The following GNS variants were observed in gnomAD, a reference collection of about 807,000 sequenced individuals.
GNS encodes glucosamine (N-acetyl)-6-sulfatase, also known as N-acetylglucosamine-6-sulfatase.
Under a neutral mutation model 69.7 loss-of-function variants are expected in GNS, and 40 were observed. That is an observed-to-expected ratio of 0.57 (90% CI 0.45 to 0.75). GNS has a LOEUF of 0.75. GNS is among the 30% of genes least tolerant of loss of function. The pLI is 0.00. For missense variants in GNS, 565 were observed against 685.5 expected, an observed-to-expected ratio of 0.82 and a Z score of 1.96; for synonymous variants, 243 against 251.6, an observed-to-expected ratio of 0.97 and a Z score of 0.32.
intron 10 of GNS, among the ~76,000 whole-genome samples, chr12:64,726,496 C>T (rs1041210249): frequency 6.6e-5 from 10 of 152,126 alleles, no homozygotes. Context: ...TATAAATACA[C>T]AAAGGACACT....
intron 9 of GNS, among the ~76,000 whole-genome samples, chr12:64,734,839 G>A (rs377678732): frequency 1.9e-4 from 29 of 152,222 alleles, no homozygotes; most frequent in East Asian, 1.4e-3. Flanking sequence ...ATGGTGGCTC[G>A]CGCCTGTAAT....
At chr12:64,735,035 A>C (rs1310248000) in intron 9 of GNS, among the ~76,000 whole-genome samples, 3 of 152,148 alleles carry the variant, frequency 2.0e-5, no homozygotes, top group African/African-American at 7.2e-5. Context: ...GCGTGAACCC[A>C]GGAGGCGGAG....
At chr12:64,722,126 AC>A (rs1171593267) in intron 11 of GNS, among the ~76,000 whole-genome samples, 6 of 151,396 alleles carry the variant, frequency 4.0e-5, no homozygotes, top group African/African-American at 1.5e-4. Flanking sequence ...CCGGGTTCAC[AC>A]GATTATCCTT....
At position 64,720,084 on chromosome 12, in the gene GNS, C is replaced by A. The variant is rs1000381159; in HGVS notation, c.1518G>T (p.Arg506=). ...CAGAACAGGACTGTAACATCATTAA[C>A]CGATAGTTCATCTTTCCTAAAAGCT... The part of the protein sequence containing the change: ...DPELLGKMNY[R]LMMLQSCSGP... Residue 506 remains arginine, a synonymous_variant, in exon 13 of 14, where the codon CGG becomes CGT. Transcript: ENST00000258145. 5 of 1,610,806 alleles carry A rather than the reference C, an allele frequency of 3.1e-6. No individual in the cohort carries two copies. Among genetic ancestry groups the A allele is most frequent in the Non-Finnish European group, 4.2e-6 (5 of 1,176,980 alleles).
chr12:64,751,173 G>A (rs1429021853), intron 2 of GNS, among the ~76,000 whole-genome samples: 1 of 152,150 alleles, frequency 6.6e-6, no homozygotes, highest in Admixed American at 6.5e-5. Flanking sequence ...CATAGTGAGT[G>A]AGACCTTTTC....
chr12:64,727,245 T>C (rs1869232054), intron 10 of GNS, among the ~76,000 whole-genome samples: 2 of 143,816 alleles, frequency 1.4e-5, no homozygotes, highest in East Asian at 2.0e-4. Flanking sequence ...CCCTGAGCAA[T>C]GTAGGGAGAC....
At chr12:64,737,266 T>G (rs1230904326) in intron 8 of GNS, among the ~76,000 whole-genome samples, 159 bp from the exon 9 acceptor site, 1 of 152,222 alleles carries the variant, frequency 6.6e-6, no homozygotes, top group East Asian at 1.9e-4. Context: ...CTCTTGTTAC[T>G]ACAAGGCAGG....
At chr12:64,739,747 A>C (rs558774008) in intron 7 of GNS, among the ~76,000 whole-genome samples, 5 of 152,348 alleles carry the variant, frequency 3.3e-5, no homozygotes, top group African/African-American at 9.6e-5. Context: ...GAACATAATT[A>C]ATTCATTCCA....
chr12:64,751,417 A>G (rs941586466), intron 2 of GNS, among the ~76,000 whole-genome samples: 5 of 152,222 alleles, frequency 3.3e-5, no homozygotes, highest in African/African-American at 7.2e-5. Context: ...TTATTTCCAT[A>G]AGACTTATGG....
Position 64,759,241 on chromosome 12 carries a change from C to T in GNS, c.36G>A (p.Arg12=). The T allele has an allele frequency of 6.5e-7, 1 of 1,542,396 alleles. No individual in the cohort carries two copies. The highest frequency in any genetic ancestry group is 8.7e-7 in the Non-Finnish European group (1 of 1,143,394). The part of the protein sequence containing the change: ...RLLPLAPGRL[R]RGSPRHLPSC... Reference sequence around the variant, plus strand: ...AGGGCAGGTGGCGGGGGCTGCCCCGCCGGAGCCGACCTGGGGCTAGAGGCA... The same window carrying T: ...AGGGCAGGTGGCGGGGGCTGCCCCGTCGGAGCCGACCTGGGGCTAGAGGCA... The change falls in exon 1 of 14, where the codon CGG becomes CGA. Residue 12 remains arginine (R), a synonymous_variant. Transcript: ENST00000258145.
At chr12:64,749,248 CTTTTT>C (rs759239939) in intron 2 of GNS, among the ~76,000 whole-genome samples, 3 of 65,056 alleles carry the variant, frequency 4.6e-5, no homozygotes, top group Admixed American at 4.3e-4. Context: ...CTTGATTTGG[CTTTTT>C]TTTTTTTTTT....
At chr12:64,736,464 G>C (rs1869559018) in intron 9 of GNS, among the ~76,000 whole-genome samples, 1 of 152,228 alleles carries the variant, frequency 6.6e-6, no homozygotes, top group Admixed American at 6.5e-5. Context: ...ATCAGAAATG[G>C]AGAAGCAGAA....
Position 64,742,234 on chromosome 12 carries a change from A to C in GNS, c.792+907T>G, listed in dbSNP as rs561853083. Among the ~76,000 whole-genome samples the C allele has an allele frequency of 3.3e-5, 5 of 152,234 alleles. No homozygotes were observed. In the South Asian group the frequency reaches 6.2e-4, roughly 19 times the overall value. Reference sequence around the variant, plus strand: ...ATGGGGTTTCACTGTGTTAGCCAGGATGGTCTCAATCTCCTGACCTCGTGA... The same window carrying C: ...ATGGGGTTTCACTGTGTTAGCCAGGCTGGTCTCAATCTCCTGACCTCGTGA... On this transcript the variant is annotated intron_variant, in intron 6 of 13. Transcript: ENST00000258145.
intron 7 of GNS, 56 bp downstream of exon 7, chr12:64,740,550 G>A: frequency 2.2e-6 from 2 of 907,898 alleles, no homozygotes; most frequent in South Asian, 1.3e-5. Flanking sequence ...CTCTTCATGA[G>A]CTGATTTGCA....
chr12:64,750,573 G>A (rs1057279063), intron 2 of GNS, among the ~76,000 whole-genome samples: 3 of 152,094 alleles, frequency 2.0e-5, no homozygotes, highest in Non-Finnish European at 4.4e-5. Flanking sequence ...AAATAATCTT[G>A]TTAGGATTAC....
chr12:64,737,028 C>A lies in GNS; in HGVS notation c.1074G>T (p.Gly358=). Reference sequence around the variant, plus strand: ...CCTTGCTTGTCTGATTTGGTTTGATCCCAGGTCCTCGAACCAACAGTGGAA... The same window carrying A: ...CCTTGCTTGTCTGATTTGGTTTGATACCAGGTCCTCGAACCAACAGTGGAA... The part of the protein sequence containing the change: ...IKVPLLVRGP[G]IKPNQTSKML... The change falls in exon 9 of 14, where the codon GGG becomes GGT. Residue 358 remains glycine (G), a synonymous_variant. Coordinates refer to ENST00000258145, the MANE Select transcript of GNS (RefSeq NM_002076.4). 6.3e-7 allele frequency: 1 copy of A among 1,590,656 alleles called. No homozygotes were observed. Among genetic ancestry groups the A allele is most frequent in the Non-Finnish European group, 8.6e-7 (1 of 1,158,618 alleles).
intron 9 of GNS, chr12:64,729,357 T>G (rs1006320536): frequency 1.2e-5 from 4 of 331,196 alleles, no homozygotes; most frequent in African/African-American, 8.3e-5. Context: ...TGCTTTGAGT[T>G]TGTTGCGAAT....
chr12:64,735,623 CTCAT>C (rs1199170467), intron 9 of GNS, among the ~76,000 whole-genome samples: 7 of 152,354 alleles, frequency 4.6e-5, no homozygotes, highest in Middle Eastern at 3.4e-3. Flanking sequence ...TCACTATGAT[CTCAT>C]TCAGCCTCCT....
chr12:64,756,663 A>C lies in GNS; in HGVS notation c.192+2422T>G, dbSNP rs1212365775. 7 of 1,002,562 alleles carry C rather than the reference A, an allele frequency of 7.0e-6. No individual in the cohort carries two copies. The Admixed American group carries it at 1.4e-4, about 20-fold the overall frequency. 62.1% of individuals were successfully genotyped at this position (1,002,562 alleles called of 1,614,324 possible). A position where few individuals can be genotyped will look rare whatever the true frequency, so the allele number is the denominator to read the frequency against. ...CTGAAGCACAAGTATAAAAATCCTC[A>C]TACTCTGCTCGGCTCCAAGTAAGTT... On this transcript the variant is annotated intron_variant, in intron 1 of 13. Coordinates refer to ENST00000258145, the MANE Select transcript of GNS (RefSeq NM_002076.4).
Sources: gnomAD v4.1 joint callset for allele counts (sites outside exome capture counted in the v4.1 genomes callset) on GRCh38, gnomAD v4.1.1 for gene constraint, MANE v1.5 for transcripts, NCBI Gene and HGNC (gene_info 2026-07-23, HGNC 2026-07-21) for gene names.